Variants in SLC35F3 observed in about 807,000 individuals in gnomAD.
The protein encoded by SLC35F3 is putative thiamine transporter SLC35F3.
Under a neutral mutation model 49.9 loss-of-function variants are expected in SLC35F3, and 25 were observed. The ratio of observed to expected loss-of-function variants is 0.50; its 90% CI spans 0.37 to 0.70. The LOEUF (loss-of-function observed/expected upper bound fraction) is 0.70, where lower values mean the gene tolerates loss of function less well. Among genes scored for constraint, SLC35F3 ranks in the 30% least tolerant of loss-of-function variants. SLC35F3 has a pLI of 0.00. For synonymous variants in SLC35F3, 275 were observed against 265.4 expected, an observed-to-expected ratio of 1.04 and a Z score of -0.35; for missense variants, 525 against 639.8, an observed-to-expected ratio of 0.82 and a Z score of 1.94.
At chr1:234,286,443 G>A (rs988085980) in intron 3 of SLC35F3, among the ~76,000 whole-genome samples, 1 of 152,234 alleles carries the variant, frequency 6.6e-6, no homozygotes, top group Non-Finnish European at 1.5e-5. Flanking sequence ...AAGGGATTTT[G>A]ATGGATTATA....
intron 2 of SLC35F3, among the ~76,000 whole-genome samples, chr1:234,024,351 G>A (rs1225032042): frequency 6.6e-6 from 1 of 152,218 alleles, no homozygotes; most frequent in African/African-American, 2.4e-5. Flanking sequence ...CAGCCTTTGT[G>A]CCAAGCTCGG....
At chr1:234,102,677 C>A (rs12747772) in intron 2 of SLC35F3, among the ~76,000 whole-genome samples, 1 of 152,112 alleles carries the variant, frequency 6.6e-6, no homozygotes, top group East Asian at 2.0e-4. Context: ...CTGCCTGTGA[C>A]ATAACAACTT....
chr1:233,961,455 C>CTTTT (rs35494872), intron 2 of SLC35F3, among the ~76,000 whole-genome samples: 28 of 130,442 alleles, frequency 2.1e-4, no homozygotes, highest in Non-Finnish European at 2.1e-4. Flanking sequence ...TTTTTCCTCT[C>CTTTT]TTTTTTTTTT....
rs530149192 is a variant in SLC35F3, at chr1:234,250,821, A to G, written c.608+19080A>G. 2.1e-3 allele frequency among the ~76,000 whole-genome samples: 321 copies of G among 152,270 alleles called. 2 individuals carry two copies. Among genetic ancestry groups the G allele is most frequent in the African/African-American group, 7.0e-3 (289 of 41,548 alleles). ...GAAGCAAAAAGAGAGAGGAGGGGGC[A>G]CCACACTCTTTTTAACAATTGGCTG... On this transcript the variant is annotated intron_variant, in intron 3 of 7. Coordinates refer to ENST00000366618, the MANE Select transcript of SLC35F3 (RefSeq NM_173508.4).
At chr1:233,933,832 GAC>G (rs1433729658) in intron 2 of SLC35F3, among the ~76,000 whole-genome samples, 2 of 152,172 alleles carry the variant, frequency 1.3e-5, no homozygotes, top group Non-Finnish European at 2.9e-5. Flanking sequence ...CAACTTGAAT[GAC>G]AGAGTGAGAC....
intron 2 of SLC35F3, among the ~76,000 whole-genome samples, chr1:234,182,529 T>G (rs986168687): frequency 5.9e-5 from 9 of 152,376 alleles, no homozygotes; most frequent in East Asian, 1.9e-4. Flanking sequence ...TTGTGCTGCA[T>G]GTAATACATA....
intron 5 of SLC35F3, among the ~76,000 whole-genome samples, chr1:234,317,358 T>C (rs1305257408): frequency 2.0e-5 from 3 of 152,110 alleles, no homozygotes; most frequent in Non-Finnish European, 2.9e-5. Context: ...CCTCCTACTT[T>C]ATCAAGCCCC....
At chr1:234,175,874 T>C (rs1666469450) in intron 2 of SLC35F3, among the ~76,000 whole-genome samples, 2 of 152,156 alleles carry the variant, frequency 1.3e-5, no homozygotes, top group Admixed American at 1.3e-4. Context: ...AGGTCCACCA[T>C]CCGCACCCCT....
chr1:234,082,007 G>A (rs1207904714), intron 2 of SLC35F3, among the ~76,000 whole-genome samples: 1 of 139,046 alleles, frequency 7.2e-6, no homozygotes, highest in Non-Finnish European at 1.5e-5. Context: ...CACCCACCTC[G>A]GCCTCCCTAA....
At chr1:234,082,690 G>A (rs1363293345) in intron 2 of SLC35F3, among the ~76,000 whole-genome samples, 1 of 152,178 alleles carries the variant, frequency 6.6e-6, no homozygotes, top group Non-Finnish European at 1.5e-5. Context: ...TGGACTCACA[G>A]TTTCATGTGG....
At chr1:233,975,643 T>C (rs1663067765) in intron 2 of SLC35F3, among the ~76,000 whole-genome samples, 5 of 152,206 alleles carry the variant, frequency 3.3e-5, no homozygotes, top group Non-Finnish European at 4.4e-5. Context: ...GGCGCTGCTG[T>C]GGGCAGGAGC....
At chr1:233,918,725 C>T (rs1243731220) in intron 2 of SLC35F3, among the ~76,000 whole-genome samples, 4 of 151,970 alleles carry the variant, frequency 2.6e-5, no homozygotes, top group Admixed American at 2.6e-4. Context: ...CAAGATCATA[C>T]CATGCACTCC....
At chr1:234,072,552 A>G (rs1664731095) in intron 2 of SLC35F3, among the ~76,000 whole-genome samples, 1 of 152,220 alleles carries the variant, frequency 6.6e-6, no homozygotes, top group South Asian at 2.1e-4. Context: ...GGCCTGGGAC[A>G]GACAGGAGAA....
At chr1:233,933,711 T>C (rs535603737) in intron 2 of SLC35F3, among the ~76,000 whole-genome samples, 2 of 152,102 alleles carry the variant, frequency 1.3e-5, no homozygotes, top group Non-Finnish European at 2.9e-5. Context: ...TGTGGTGACA[T>C]GCACCTGTAA....
chr1:233,947,155 C>T (rs1483645527), intron 2 of SLC35F3, among the ~76,000 whole-genome samples: 2 of 152,124 alleles, frequency 1.3e-5, no homozygotes, highest in African/African-American at 2.4e-5. Context: ...GCAACTAATT[C>T]AAGTTTTTAA....
At chr1:234,028,398 G>A (rs1437776575) in intron 2 of SLC35F3, among the ~76,000 whole-genome samples, 1 of 152,170 alleles carries the variant, frequency 6.6e-6, no homozygotes, top group African/African-American at 2.4e-5. Context: ...GGGTGCTGTC[G>A]TGCTCCTGGG....
At chr1:234,099,892 G>T (rs7523277) in intron 2 of SLC35F3, among the ~76,000 whole-genome samples, 2 of 152,076 alleles carry the variant, frequency 1.3e-5, no homozygotes, top group Admixed American at 1.3e-4. Context: ...TGCTTTAGAA[G>T]TATTTGCTAA....
At chr1:234,134,711 T>G (rs1043957983) in intron 2 of SLC35F3, among the ~76,000 whole-genome samples, 1 of 151,766 alleles carries the variant, frequency 6.6e-6, no homozygotes, top group African/African-American at 2.4e-5. Flanking sequence ...CTGGCACTGG[T>G]TTTTTTGTGG....
intron 2 of SLC35F3, among the ~76,000 whole-genome samples, chr1:233,962,666 A>G (rs75151625): frequency 0.047 from 7,223 of 152,302 alleles, 261 homozygotes; most frequent in East Asian, 0.17. Context: ...GCTTCATTCA[A>G]CGTTTCACAG....
Sources: allele counts gnomAD v4.1 joint callset (sites outside exome capture counted in the v4.1 genomes callset), GRCh38; gene constraint gnomAD v4.1.1; transcripts MANE v1.5; gene names NCBI Gene and HGNC (gene_info 2026-07-23, HGNC 2026-07-21).